Variants in FGD5 observed in about 807,000 individuals in gnomAD.
The protein encoded by FGD5 is FYVE, RhoGEF and PH domain-containing protein 5.
In FGD5, 28 loss-of-function variants were observed where a neutral mutation model predicts 133.4. That is an observed-to-expected ratio of 0.21 (90% CI 0.16 to 0.29). FGD5 has a LOEUF of 0.29. Ranked by LOEUF, FGD5 falls within the 10% of genes least tolerant of loss-of-function variation. The probability of loss-of-function intolerance (pLI) is 1.00; values close to 1 mark genes in which losing one functional copy is unlikely to be tolerated. For synonymous variants in FGD5, 810 were observed against 776.5 expected (o/e 1.04, Z -0.72); for missense variants, 1,858 against 1,895.2 (o/e 0.98, Z 0.36).
At chr3:14,875,665 TGA>T (rs1553627352) in intron 2 of FGD5, among the ~76,000 whole-genome samples, 1 of 151,894 alleles carries the variant, frequency 6.6e-6, no homozygotes, top group Non-Finnish European at 1.5e-5. Context: ...TCAGAGTGAA[TGA>T]GAGACAGGCC....
chr3:14,893,785 C>G (rs1211980506), intron 4 of FGD5, among the ~76,000 whole-genome samples: 1 of 111,102 alleles, frequency 9.0e-6, no homozygotes, highest in African/African-American at 3.7e-5. Context: ...GACAGAGTCT[C>G]TCTCTGTTGC....
chr3:14,900,723 G>C (rs1336591697), intron 8 of FGD5, among the ~76,000 whole-genome samples: 1 of 152,176 alleles, frequency 6.6e-6, no homozygotes, highest in African/African-American at 2.4e-5. Context: ...GGTGATAGGA[G>C]GGGTGGTGCC....
At chr3:14,908,038 AT>A (rs2038372614) in intron 10 of FGD5, among the ~76,000 whole-genome samples, 1 of 152,244 alleles carries the variant, frequency 6.6e-6, no homozygotes, top group African/African-American at 2.4e-5. Flanking sequence ...AAAACAGAAA[AT>A]GATCTCCCAA....
intron 2 of FGD5, among the ~76,000 whole-genome samples, chr3:14,866,156 AC>A (rs1193969240): frequency 6.6e-6 from 1 of 151,148 alleles, no homozygotes; most frequent in African/African-American, 2.4e-5. Flanking sequence ...CTCCTCTGGG[AC>A]CCCCCACATC....
Position 14,820,983 on chromosome 3 carries a change from A to T in FGD5, c.1912A>T (p.Ile638Phe), listed in dbSNP as rs1261521590. Reference sequence around the variant, plus strand: ...CACAAAGAGCTCTCCCTCACTCCTGATCGAGAGCGACTCCCCGGACAAGTA... The same window carrying T: ...CACAAAGAGCTCTCCCTCACTCCTGTTCGAGAGCGACTCCCCGGACAAGTA... The part of the protein sequence containing the change: ...PITKSSPSLL[I>F]ESDSPDKYKK... Residue 638 changes from isoleucine (I) to phenylalanine (F), a missense_variant, in exon 1 of 20, where the codon ATC becomes TTC. This residue lies in a region of FGD5 where 1,824 missense variants were observed against 1,848.9 expected (regional missense o/e 0.99). Coordinates refer to ENST00000285046, the MANE Select transcript of FGD5 (RefSeq NM_152536.4). The T allele has an allele frequency of 1.2e-6, 2 of 1,613,848 alleles. No homozygotes were observed. The highest frequency in any genetic ancestry group is 1.7e-6 in the Non-Finnish European group (2 of 1,179,856).
intron 9 of FGD5, among the ~76,000 whole-genome samples, chr3:14,902,502 G>A (rs1270796463): frequency 6.6e-6 from 1 of 152,126 alleles, no homozygotes; most frequent in Admixed American, 6.5e-5. Flanking sequence ...CAGGGAGAGA[G>A]GTCGGGCTGG....
At chr3:14,873,305 TG>T (rs1458566670) in intron 2 of FGD5, among the ~76,000 whole-genome samples, 1 of 152,194 alleles carries the variant, frequency 6.6e-6, no homozygotes, top group Non-Finnish European at 1.5e-5. Context: ...CATGCCCAGC[TG>T]TGTGAACTAA....
intron 11 of FGD5, among the ~76,000 whole-genome samples, chr3:14,914,504 G>A (rs2038514564): frequency 6.6e-6 from 1 of 152,218 alleles, no homozygotes; most frequent in Non-Finnish European, 1.5e-5. Context: ...AGGCGAAGGA[G>A]ACCTCGGGGT....
chr3:14,845,144 TA>T (rs563134262), intron 1 of FGD5, among the ~76,000 whole-genome samples: 2 of 151,026 alleles, frequency 1.3e-5, no homozygotes, highest in African/African-American at 2.4e-5. Context: ...CTGTACATGC[TA>T]AAAAAAAAGC....
chr3:14,811,861 T>C (rs999654822), intron 1 of FGD5, among the ~76,000 whole-genome samples: 2 of 152,080 alleles, frequency 1.3e-5, no homozygotes, highest in African/African-American at 4.8e-5. Flanking sequence ...ATCACCACTC[T>C]ATTTTCTTTT....
At chr3:14,877,918 G>A (rs1374147761) in intron 2 of FGD5, among the ~76,000 whole-genome samples, 1 of 152,192 alleles carries the variant, frequency 6.6e-6, no homozygotes, top group African/African-American at 2.4e-5. Context: ...GATGCCATTA[G>A]TTATCCTGTA....
chr3:14,866,911 G>T (rs1309174052), intron 2 of FGD5, among the ~76,000 whole-genome samples: 2 of 151,898 alleles, frequency 1.3e-5, no homozygotes, highest in Non-Finnish European at 2.9e-5. Context: ...CATCCATCCG[G>T]TCATCCCAAG....
At chr3:14,847,251 C>G (rs1248302865) in intron 1 of FGD5, among the ~76,000 whole-genome samples, 1 of 152,242 alleles carries the variant, frequency 6.6e-6, no homozygotes, top group Non-Finnish European at 1.5e-5. Flanking sequence ...GCTTTTCTGT[C>G]TGTTGTCTCA....
chr3:14,820,295 C>T lies in FGD5; in HGVS notation c.1224C>T (p.Pro408=), dbSNP rs149850629. ...GSLQGGAAEG[P]AAPDVVVVLE... ...TACAGGGTGGAGCGGCCGAGGGTCC[C>T]GCAGCCCCTGATGTGGTGGTCGTGC... The change falls in exon 1 of 20, where the codon CCC becomes CCT. Residue 408 remains proline (P), a synonymous_variant. Transcript: ENST00000285046. The T allele has an allele frequency of 6.6e-4, 1,058 of 1,605,290 alleles. 11 individuals carry two copies. In the African/African-American group the frequency reaches 0.013, roughly 19 times the overall value.
At chr3:14,862,566 G>C (rs1200169909) in intron 1 of FGD5, among the ~76,000 whole-genome samples, 1 of 152,196 alleles carries the variant, frequency 6.6e-6, no homozygotes, top group Non-Finnish European at 1.5e-5. Flanking sequence ...GCCTGGCGGG[G>C]TGTTATTTCT....
At chr3:14,836,081 G>A (rs9859379) in intron 1 of FGD5, among the ~76,000 whole-genome samples, 8,016 of 152,224 alleles carry the variant, frequency 0.053, 237 homozygotes, top group African/African-American at 0.065. Flanking sequence ...AGAACCCAGG[G>A]GCATCTGCTG....
At chr3:14,828,937 G>A (rs977982034) in intron 1 of FGD5, among the ~76,000 whole-genome samples, 1 of 151,526 alleles carries the variant, frequency 6.6e-6, no homozygotes, top group Admixed American at 6.6e-5. Context: ...GGGATTACAG[G>A]CACTCATGAC....
chr3:14,889,149 A>G (rs1214377292), intron 4 of FGD5, among the ~76,000 whole-genome samples: 3 of 152,122 alleles, frequency 2.0e-5, no homozygotes, highest in Non-Finnish European at 4.4e-5. Flanking sequence ...AGTTTGGAGG[A>G]GAGGTGAAAA....
rs1202519782 is a variant in FGD5 at position 14,898,728 on chromosome 3, C to T, written c.3067-11C>T. On this transcript the variant is annotated splice_polypyrimidine_tract_variant and intron_variant, in intron 6 of 19. Transcript: ENST00000285046. ...TCTGATAAGGTTTTTCCTTCCCTGT[C>T]TTGAGAGCAGCAGAGTGTACAAGGA... 14 of 1,572,780 alleles carry T rather than the reference C, an allele frequency of 8.9e-6. No homozygotes were observed. The highest frequency in any genetic ancestry group is 1.2e-5 in the Non-Finnish European group (14 of 1,159,476).
Sources: allele counts gnomAD v4.1 joint callset (sites outside exome capture counted in the v4.1 genomes callset), GRCh38; gene constraint gnomAD v4.1.1; regional missense constraint gnomAD v4.1.1; transcripts MANE v1.5; gene names NCBI Gene and HGNC (gene_info 2026-07-23, HGNC 2026-07-21).